The following APBB2 variants were observed in gnomAD, a reference collection of about 807,000 sequenced individuals.
The protein encoded by APBB2 is amyloid beta precursor protein binding family B member 2.
Under a neutral mutation model 82.5 loss-of-function variants are expected in APBB2, and 38 were observed. That is an observed-to-expected ratio of 0.46 (90% CI 0.36 to 0.60). The LOEUF (loss-of-function observed/expected upper bound fraction) is 0.60. Among genes scored for constraint, APBB2 ranks in the 20% least tolerant of loss-of-function variants. The pLI, the probability that APBB2 is intolerant of heterozygous loss-of-function variation, is 0.00. For missense variants in APBB2, 772 were observed against 972.3 expected (o/e 0.79, Z 2.74); for synonymous variants, 341 against 368.2 (o/e 0.93, Z 0.85).
intron 1 of APBB2, among the ~76,000 whole-genome samples, chr4:41,191,174 A>G (rs1774327199): frequency 6.6e-6 from 1 of 152,198 alleles, no homozygotes; most frequent in African/African-American, 2.4e-5. Flanking sequence ...AGAGGACTGG[A>G]GTGGGGAGGA....
intron 10 of APBB2, among the ~76,000 whole-genome samples, chr4:40,907,315 G>T: frequency 7.1e-6 from 1 of 139,952 alleles, no homozygotes; most frequent in Admixed American, 7.3e-5. Context: ...CAATAGGACT[G>T]ATATGCTTTA....
At chr4:41,207,198 CAAAAAAAAA>C (rs368548129) in intron 1 of APBB2, among the ~76,000 whole-genome samples, 100 of 67,354 alleles carry the variant, frequency 1.5e-3, no homozygotes, top group African/African-American at 4.3e-3. Flanking sequence ...GACTCCGTCT[CAAAAAAAAA>C]AAAAAAAAAA....
intron 4 of APBB2, among the ~76,000 whole-genome samples, chr4:41,052,053 C>T (rs1315217165): frequency 6.6e-6 from 1 of 152,112 alleles, no homozygotes; most frequent in African/African-American, 2.4e-5. Flanking sequence ...ATTCTTAAAG[C>T]TTTTCACTGG....
In APBB2 at chr4:40,890,519, C is replaced by A. The variant is rs569337793; in HGVS notation, c.1402-28G>T. On this transcript the variant is annotated intron_variant, in intron 11 of 17. Transcript: ENST00000508593. ...GGGACACAACGAGAAAACACGCTGTCTTCTTCATGCAGGCTGGAAAGCCTA... is the reference window on the plus strand; with the variant it reads ...GGGACACAACGAGAAAACACGCTGTATTCTTCATGCAGGCTGGAAAGCCTA... The A allele has an allele frequency of 3.1e-6, 5 of 1,612,146 alleles. No homozygotes were observed. The East Asian group carries it at 6.7e-5, about 22-fold the overall frequency.
At chr4:40,923,387 G>A (rs932271245) in intron 10 of APBB2, among the ~76,000 whole-genome samples, 1 of 152,226 alleles carries the variant, frequency 6.6e-6, no homozygotes, top group African/African-American at 2.4e-5. Flanking sequence ...AACAAGTTCT[G>A]AGACGTGCTG....
intron 7 of APBB2, among the ~76,000 whole-genome samples, chr4:40,942,599 C>CCA (rs1345244139): frequency 6.6e-6 from 1 of 152,078 alleles, no homozygotes; most frequent in East Asian, 1.9e-4. Flanking sequence ...ACCCTGAAAA[C>CCA]CACAACAGAT....
intron 4 of APBB2, among the ~76,000 whole-genome samples, chr4:41,036,797 A>G (rs927307106): frequency 5.9e-5 from 9 of 152,306 alleles, no homozygotes; most frequent in African/African-American, 9.6e-5. Flanking sequence ...ATGAGGTACA[A>G]CTATGCAGAA....
In APBB2 at chr4:40,879,696, C is replaced by CT. The variant is rs928858768; in HGVS notation, c.1529+10667dup. 6.1e-3 allele frequency among the ~76,000 whole-genome samples: 872 copies of CT among 142,328 alleles called. 6 individuals carry two copies. Among genetic ancestry groups the CT allele is most frequent in the African/African-American group, 0.014 (535 of 39,124 alleles). 93.4% of individuals were successfully genotyped at this position (142,328 alleles called of 152,430 possible). ...ACCCAGGACAATATTTTTTTTCTTT[C>CT]TTTTTTTTTTTTTGAGATGGAGTCT... On this transcript the variant is annotated intron_variant, in intron 12 of 17. Transcript: ENST00000508593.
At chr4:40,989,496 G>A (rs1257946737) in intron 6 of APBB2, among the ~76,000 whole-genome samples, 1 of 151,722 alleles carries the variant, frequency 6.6e-6, no homozygotes, top group Admixed American at 6.6e-5. Flanking sequence ...AAATGCAAGA[G>A]TTTTTAATTT....
intron 12 of APBB2, among the ~76,000 whole-genome samples, chr4:40,871,152 T>C (rs1765413277): frequency 6.6e-6 from 1 of 150,838 alleles, no homozygotes; most frequent in Non-Finnish European, 1.5e-5. Flanking sequence ...CACCCGTTTA[T>C]TTTTTTTGAG....
At chr4:40,926,133 A>G (rs1045681232) in intron 10 of APBB2, among the ~76,000 whole-genome samples, 1 of 152,276 alleles carries the variant, frequency 6.6e-6, no homozygotes, top group African/African-American at 2.4e-5. Context: ...ACTTCGCTGC[A>G]GAAGCTGCAC....
chr4:41,184,450 C>T (rs1345778686), intron 1 of APBB2, among the ~76,000 whole-genome samples: 1 of 152,200 alleles, frequency 6.6e-6, no homozygotes, highest in African/African-American at 2.4e-5. Flanking sequence ...ACAGGCCAGG[C>T]TCATGTCTAG....
intron 6 of APBB2, among the ~76,000 whole-genome samples, chr4:40,965,217 T>C (rs999467877): frequency 5.3e-5 from 8 of 151,712 alleles, no homozygotes; most frequent in Non-Finnish European, 1.2e-4. Context: ...GTCCATTAAA[T>C]AAGAGGGATG....
intron 2 of APBB2, among the ~76,000 whole-genome samples, chr4:41,109,867 T>A (rs1748566388): frequency 6.6e-6 from 1 of 152,212 alleles, no homozygotes; most frequent in Non-Finnish European, 1.5e-5. Flanking sequence ...TTGTCAAAGG[T>A]CACGGAGCTA....
At chr4:41,113,991 A>G (rs950774529) in intron 2 of APBB2, 7 of 152,498 alleles carry the variant, frequency 4.6e-5, no homozygotes, top group African/African-American at 1.4e-4. Context: ...CACAGACATT[A>G]GCCTGGCCCC....
intron 12 of APBB2, among the ~76,000 whole-genome samples, chr4:40,870,048 A>C (rs567096121): frequency 6.6e-6 from 1 of 152,248 alleles, no homozygotes; most frequent in East Asian, 1.9e-4. Context: ...GTACCAAATC[A>C]CGTTATACAT....
At chr4:40,852,141 G>A (rs1277326303) in intron 12 of APBB2, among the ~76,000 whole-genome samples, 1 of 151,882 alleles carries the variant, frequency 6.6e-6, no homozygotes, top group African/African-American at 2.4e-5. Context: ...CTTGAGGTCG[G>A]GAGCTCAAAA....
chr4:41,084,642 A>G (rs1216548617), intron 3 of APBB2: 2 of 152,236 alleles, frequency 1.3e-5, no homozygotes, highest in South Asian at 2.1e-4. Flanking sequence ...TAAAATCAGA[A>G]TAATACAGAG....
chr4:40,966,783 T>C (rs1196329119), intron 6 of APBB2, among the ~76,000 whole-genome samples: 2 of 152,148 alleles, frequency 1.3e-5, no homozygotes, highest in African/African-American at 4.8e-5. Flanking sequence ...GGCACAGGTC[T>C]GCAGGCACCC....
Sources: allele counts gnomAD v4.1 joint callset (sites outside exome capture counted in the v4.1 genomes callset), GRCh38; gene constraint gnomAD v4.1.1; transcripts MANE v1.5; gene names NCBI Gene and HGNC (gene_info 2026-07-23, HGNC 2026-07-21).